Variants in RALYL observed in about 807,000 individuals in gnomAD.
RALYL encodes the protein RNA-binding Raly-like protein.
In RALYL, 29 loss-of-function variants were observed where a neutral mutation model predicts 35.1. The ratio of observed to expected loss-of-function variants is 0.83; its 90% CI spans 0.61 to 1.13. The LOEUF is 1.13. Among genes scored for constraint, RALYL ranks in the 50% most tolerant of loss-of-function variants. The pLI, the probability that RALYL is intolerant of heterozygous loss-of-function variation, is 0.00. For synonymous variants in RALYL, 120 were observed against 127.6 expected, an observed-to-expected ratio of 0.94 and a Z score of 0.40; for missense variants, 359 against 360.4, an observed-to-expected ratio of 1.00 and a Z score of 0.03.
At chr8:84,680,299 C>T (rs960237500) in intron 2 of RALYL, among the ~76,000 whole-genome samples, 2 of 151,966 alleles carry the variant, frequency 1.3e-5, no homozygotes, top group African/African-American at 4.8e-5. Context: ...GAATAGTGCC[C>T]CAATAAACAT....
intron 8 of RALYL, among the ~76,000 whole-genome samples, chr8:84,895,157 AAAGACCTTCGTCTTGAACTCTATC>A (rs1216758902): frequency 6.6e-6 from 1 of 152,144 alleles, no homozygotes; most frequent in Non-Finnish European, 1.5e-5. Flanking sequence ...CACAGCATTC[AAAGACCTTCGTCTTGAACTCTATC>A]AATCCATCAT....
At chr8:84,214,293 A>G (rs1563544478) in intron 1 of RALYL, among the ~76,000 whole-genome samples, 1 of 152,154 alleles carries the variant, frequency 6.6e-6, no homozygotes, top group Non-Finnish European at 1.5e-5. Context: ...AATAAGAAAT[A>G]GAATTGTGGA....
chr8:84,442,202 T>C (rs2048396175), intron 1 of RALYL, among the ~76,000 whole-genome samples: 1 of 152,112 alleles, frequency 6.6e-6, no homozygotes, highest in Non-Finnish European at 1.5e-5. Flanking sequence ...CTTGTTATAC[T>C]CATTTTTGTG....
At chr8:84,238,787 G>A (rs746089222) in intron 1 of RALYL, among the ~76,000 whole-genome samples, 2 of 152,200 alleles carry the variant, frequency 1.3e-5, no homozygotes, top group Non-Finnish European at 2.9e-5. Flanking sequence ...TGTGGGCACA[G>A]AGTGACAGCA....
At chr8:84,399,203 A>C (rs1444074635) in intron 1 of RALYL, among the ~76,000 whole-genome samples, 2 of 152,166 alleles carry the variant, frequency 1.3e-5, no homozygotes, top group East Asian at 3.9e-4. Context: ...ATAATAAAAA[A>C]CATTTATTAA....
intron 1 of RALYL, among the ~76,000 whole-genome samples, chr8:84,262,989 T>G (rs1832603117): frequency 6.6e-6 from 1 of 152,182 alleles, no homozygotes; most frequent in Non-Finnish European, 1.5e-5. Flanking sequence ...ATTTCATTAT[T>G]GAACTAAGTC....
chr8:84,715,152 G>A (rs1394291330), intron 2 of RALYL, among the ~76,000 whole-genome samples: 1 of 151,526 alleles, frequency 6.6e-6, no homozygotes, highest in Non-Finnish European at 1.5e-5. Context: ...TCATCCAAAG[G>A]GAAAATTGAG....
intron 8 of RALYL, among the ~76,000 whole-genome samples, chr8:84,894,672 A>G (rs1844434838): frequency 1.3e-5 from 2 of 152,180 alleles, no homozygotes; most frequent in African/African-American, 4.8e-5. Context: ...TGTGAGAGAA[A>G]GTGTAATAAG....
chr8:84,756,536 G>C (rs1209892523), intron 2 of RALYL, among the ~76,000 whole-genome samples: 1 of 152,032 alleles, frequency 6.6e-6, no homozygotes, highest in Non-Finnish European at 1.5e-5. Context: ...TGCCATTTTA[G>C]GTAGATATTT....
At chr8:84,657,536 C>G (rs997238679) in intron 2 of RALYL, among the ~76,000 whole-genome samples, 1 of 152,110 alleles carries the variant, frequency 6.6e-6, no homozygotes, top group Admixed American at 6.6e-5. Flanking sequence ...TCTAGATATA[C>G]GTTACCAAGT....
intron 1 of RALYL, among the ~76,000 whole-genome samples, chr8:84,194,806 T>C (rs560818844): frequency 9.2e-5 from 14 of 152,256 alleles, no homozygotes; most frequent in East Asian, 3.9e-4. Context: ...TTACCATAGA[T>C]AATAATATTT....
At chr8:84,247,838 A>G (rs1829424690) in intron 1 of RALYL, among the ~76,000 whole-genome samples, 1 of 152,150 alleles carries the variant, frequency 6.6e-6, no homozygotes, top group Admixed American at 6.6e-5. Flanking sequence ...AGTTATGCAA[A>G]TAAAATAAAT....
intron 4 of RALYL, among the ~76,000 whole-genome samples, chr8:84,827,212 G>A (rs950199748): frequency 3.3e-5 from 5 of 152,088 alleles, no homozygotes; most frequent in African/African-American, 1.2e-4. Flanking sequence ...TCAATATCAA[G>A]CTAACAGTGT....
intron 1 of RALYL, among the ~76,000 whole-genome samples, chr8:84,202,161 A>C (rs144088544): frequency 6.6e-6 from 1 of 151,286 alleles, no homozygotes; most frequent in Non-Finnish European, 1.5e-5. Context: ...TTTTGTATGC[A>C]CTTTTATTTT....
intron 2 of RALYL, among the ~76,000 whole-genome samples, chr8:84,680,833 G>C (rs538125538): frequency 1.3e-5 from 2 of 152,034 alleles, no homozygotes; most frequent in African/African-American, 4.8e-5. Flanking sequence ...TTCTTTTGCT[G>C]TGCAGAAGCT....
chr8:84,679,607 A>G, intron 2 of RALYL: 1 of 464,294 alleles, frequency 2.2e-6, no homozygotes. Flanking sequence ...CTTTGATGAA[A>G]CTGATGCTAT....
At chr8:84,591,298 G>A (rs755839486) in intron 2 of RALYL, among the ~76,000 whole-genome samples, 5 of 152,058 alleles carry the variant, frequency 3.3e-5, no homozygotes, top group Admixed American at 6.6e-5. Flanking sequence ...CCACAGTTTC[G>A]TGGATGTTAA....
chr8:84,546,257 C>G (rs1564121879), intron 2 of RALYL, among the ~76,000 whole-genome samples: 1 of 152,184 alleles, frequency 6.6e-6, no homozygotes, highest in South Asian at 2.1e-4. Context: ...TCTGGTGTGA[C>G]TACAGGCACA....
At chr8:84,666,911 A>G (rs776284520) in intron 2 of RALYL, among the ~76,000 whole-genome samples, 1 of 152,076 alleles carries the variant, frequency 6.6e-6, no homozygotes, top group Non-Finnish European at 1.5e-5. Flanking sequence ...GGTAGTTGCT[A>G]ATACAAAATT....
Sources: allele counts gnomAD v4.1 joint callset (sites outside exome capture counted in the v4.1 genomes callset), GRCh38; gene constraint gnomAD v4.1.1; transcripts MANE v1.5; gene names NCBI Gene and HGNC (gene_info 2026-07-23, HGNC 2026-07-21).